ANO1: variants seen among roughly 807,000 people sequenced by gnomAD.
The protein encoded by ANO1 is anoctamin 1, also known as anoctamin-1.
In ANO1, 59 loss-of-function variants were observed where a neutral mutation model predicts 124.0. That is an observed-to-expected ratio of 0.48 (90% CI 0.39 to 0.59). ANO1 has a LOEUF of 0.59. Among genes scored for constraint, ANO1 ranks in the 20% least tolerant of loss-of-function variants. The pLI is 0.00. For synonymous variants in ANO1, 529 were observed against 532.0 expected (o/e 0.99, Z 0.08); for missense variants, 1,059 against 1,328.0 (o/e 0.80, Z 3.15).
In ANO1 at chr11:70,108,340, G is replaced by T. The variant is rs1382148700; in HGVS notation, c.748-13G>T. ...TAAGTAACTGCTCACCCCCCTTCTT[G>T]TCTCTGCAATAGGTCTATGAGATCT... On this transcript the variant is annotated splice_polypyrimidine_tract_variant and intron_variant, in intron 5 of 25. Transcript: ENST00000355303. 1 of 1,606,204 alleles carries T rather than the reference G, an allele frequency of 6.2e-7. No homozygotes were observed. The highest frequency in any genetic ancestry group is 1.3e-5 in the African/African-American group (1 of 74,918).
intron 2 of ANO1, among the ~76,000 whole-genome samples, chr11:70,091,628 T>C (rs1441726161): frequency 6.6e-6 from 1 of 152,088 alleles, no homozygotes; most frequent in Non-Finnish European, 1.5e-5. Flanking sequence ...AGCAAGACGG[T>C]CCCCTGAGGG....
rs1188271051 is a variant in ANO1 at position 70,010,179 on chromosome 11, G to GTATGTGTGTGTGTATATA, written c.58+24016_58+24017insGTGTGTGTGTATATATAT. The stretch of plus-strand genomic sequence containing the variant: ...TGTGTGTGTGTGCGCGTGTGTGTGT[G>GTATGTGTGTGTGTATATA]TATATATATATATATATATCACATT... On this transcript the variant is annotated intron_variant, in intron 1 of 27. Coordinates refer to the ANO1 transcript ENST00000531349. Among the ~76,000 whole-genome samples, 10 of 83,814 alleles carry GTATGTGTGTGTGTATATA rather than the reference G, an allele frequency of 1.2e-4. 1 individual carries two copies. Among genetic ancestry groups the GTATGTGTGTGTGTATATA allele is most frequent in the East Asian group, 5.8e-4 (1 of 1,736 alleles). The allele number at this position is 83,814 out of a possible 152,430, so 55.0% of individuals were successfully genotyped here.
chr11:70,156,120 T>G, intron 15 of ANO1, 132 bp downstream of exon 15: 1 of 983,982 alleles, frequency 1.0e-6, no homozygotes. Flanking sequence ...CTGTCTTCCT[T>G]CGGCACCCAG....
At chr11:70,168,263 C>T (rs572646788) in intron 21 of ANO1, among the ~76,000 whole-genome samples, 4 of 152,298 alleles carry the variant, frequency 2.6e-5, no homozygotes, top group South Asian at 2.1e-4. Flanking sequence ...GGCCTTTGCA[C>T]GAGATGTGCC....
At position 70,170,853 on chromosome 11, in the gene ANO1, CG is replaced by C. The variant is rs549115705; in HGVS notation, c.2198-30del. 7.3e-5 allele frequency: 117 copies of C among 1,604,368 alleles called. 1 individual carries two copies. The highest frequency in any genetic ancestry group is 1.7e-4 in the Middle Eastern group (1 of 6,058). On this transcript the variant is annotated intron_variant, in intron 21 of 25. Coordinates refer to ENST00000355303, the MANE Select transcript of ANO1 (RefSeq NM_018043.7). ...GTCCCCCCTTATGGGCTGTGGCTCA[CG>C]GGGTGCTGACTAGCACTGGGCTCTC...
intron 1 of ANO1, among the ~76,000 whole-genome samples, chr11:70,018,535 T>C (rs1210042713): frequency 2.0e-5 from 3 of 152,162 alleles, no homozygotes; most frequent in Non-Finnish European, 2.9e-5. Flanking sequence ...TCCACTGCAC[T>C]CTCTGTGCCT....
chr11:70,076,302 G>T (rs2044055380), upstream of ANO1, among the ~76,000 whole-genome samples: 1 of 152,170 alleles, frequency 6.6e-6, no homozygotes, highest in African/African-American at 2.4e-5. Context: ...AGAAGGTGGG[G>T]CCACCTTGCC....
intron 21 of ANO1, 76 bp downstream of exon 21, chr11:70,167,463 T>G (rs901627308): frequency 6.6e-7 from 1 of 1,519,968 alleles, no homozygotes; most frequent in African/African-American, 1.4e-5. Context: ...GGGGAAGGGC[T>G]GCAGGGGCAT....
intron 11 of ANO1, among the ~76,000 whole-genome samples, chr11:70,146,902 C>G (rs1427329039): frequency 6.6e-6 from 1 of 152,206 alleles, no homozygotes; most frequent in African/African-American, 2.4e-5. Flanking sequence ...CTTTTTCTAG[C>G]CACACTGGCA....
intron 1 of ANO1, among the ~76,000 whole-genome samples, chr11:70,032,086 C>T (rs1297800315): frequency 2.6e-5 from 4 of 152,218 alleles, no homozygotes; most frequent in Non-Finnish European, 5.9e-5. Context: ...ATGAAGCTTG[C>T]AGTCCAGGGA....
At chr11:70,146,841 G>A (rs578159391) in intron 11 of ANO1, among the ~76,000 whole-genome samples, 11 of 152,302 alleles carry the variant, frequency 7.2e-5, no homozygotes, top group African/African-American at 2.2e-4. Flanking sequence ...ATGGGAGAAA[G>A]ATGAAGGCCG....
At chr11:70,112,289 G>A (rs1048211490) in intron 7 of ANO1, among the ~76,000 whole-genome samples, 3 of 152,214 alleles carry the variant, frequency 2.0e-5, no homozygotes. Context: ...AGTTCAGCAG[G>A]GCACTGGGAA....
chr11:70,101,471 G>A (rs536632444), intron 2 of ANO1, among the ~76,000 whole-genome samples: 26 of 151,152 alleles, frequency 1.7e-4, no homozygotes, highest in African/African-American at 5.8e-4. Flanking sequence ...TAGGAGAATC[G>A]CTTGAACTCA....
At chr11:70,076,874 A>G (rs1428136093), upstream of ANO1, among the ~76,000 whole-genome samples, 1 of 152,226 alleles carries the variant, frequency 6.6e-6, no homozygotes, top group African/African-American at 2.4e-5. Flanking sequence ...TCATGACAAG[A>G]TGACATTAGT....
intron 2 of ANO1, among the ~76,000 whole-genome samples, chr11:70,102,326 G>T (rs1000610138): frequency 6.6e-6 from 1 of 152,158 alleles, no homozygotes; most frequent in Non-Finnish European, 1.5e-5. Context: ...TGATGGAGTC[G>T]GTTCTCATGA....
chr11:70,185,470 C>T (rs1279320211), intron 24 of ANO1, 120 bp from the exon 25 acceptor site: 11 of 846,998 alleles, frequency 1.3e-5, no homozygotes, highest in Non-Finnish European at 1.8e-5. Flanking sequence ...GGGCTGCCCT[C>T]CCGGAGGCAG....
At chr11:70,100,853 T>C (rs1309386710) in intron 2 of ANO1, among the ~76,000 whole-genome samples, 1 of 152,228 alleles carries the variant, frequency 6.6e-6, no homozygotes, top group African/African-American at 2.4e-5. Context: ...ACTGTATTAT[T>C]GCCCTTCGTT....
At chr11:69,990,659 A>G (rs1771741902) in intron 1 of ANO1, among the ~76,000 whole-genome samples, 1 of 152,226 alleles carries the variant, frequency 6.6e-6, no homozygotes. Context: ...CTTGATATAT[A>G]TACTGTTTAA....
At chr11:70,113,991 C>T (rs951424567) in intron 7 of ANO1, among the ~76,000 whole-genome samples, 10 of 152,222 alleles carry the variant, frequency 6.6e-5, no homozygotes, top group African/African-American at 2.2e-4. Flanking sequence ...GCAGCCACTA[C>T]TGCATTTGTC....
Sources: allele counts gnomAD v4.1 joint callset (sites outside exome capture counted in the v4.1 genomes callset), GRCh38; gene constraint gnomAD v4.1.1; transcripts MANE v1.5; gene names NCBI Gene and HGNC (gene_info 2026-07-23, HGNC 2026-07-21).